Variants in AFG2A observed in about 807,000 individuals in gnomAD.
AFG2A encodes the protein ATPase family gene 2 protein homolog A.
At chr4:122,966,095 T>C in the AFG2A span, among the ~76,000 whole-genome samples, 6 of 152,168 alleles carry the variant, frequency 3.9e-5, no homozygotes, top group Non-Finnish European at 5.9e-5. Context: ...CTCTTGATAA[T>C]ATATTTAACA....
chr4:123,270,554 A>T, the AFG2A span, among the ~76,000 whole-genome samples: 1 of 152,174 alleles, frequency 6.6e-6, no homozygotes, highest in East Asian at 1.9e-4. Context: ...TTGCTTTCCC[A>T]TTTACTTATT....
At chr4:123,297,594 C>T in the AFG2A span, among the ~76,000 whole-genome samples, 12 of 152,026 alleles carry the variant, frequency 7.9e-5, no homozygotes, top group Non-Finnish European at 1.8e-4. Context: ...TGGCGGGCGC[C>T]TGTAGTCCCA....
the AFG2A span, chr4:123,090,662 T>A: frequency 6.2e-7 from 1 of 1,614,168 alleles, no homozygotes; most frequent in Non-Finnish European, 8.5e-7. Flanking sequence ...CTAAAGGATG[T>A]GACCATTTTG....
At chr4:122,923,372 A>G in the AFG2A span, 1 of 1,596,066 alleles carries the variant, frequency 6.3e-7, no homozygotes, top group Non-Finnish European at 8.5e-7. Context: ...AGACTCAGTG[A>G]TACTGACTTG....
chr4:123,275,788 C>G, the AFG2A span, among the ~76,000 whole-genome samples: 1 of 152,048 alleles, frequency 6.6e-6, no homozygotes, highest in South Asian at 2.1e-4. Flanking sequence ...GGATAATGGC[C>G]TCCAGCTTCA....
At chr4:123,309,312 A>T in the AFG2A span, among the ~76,000 whole-genome samples, 1 of 152,168 alleles carries the variant, frequency 6.6e-6, no homozygotes, top group Non-Finnish European at 1.5e-5. Context: ...GTGCCAACAG[A>T]TTTGGTGTCT....
At chr4:123,149,316 G>A in the AFG2A span, among the ~76,000 whole-genome samples, 2 of 152,090 alleles carry the variant, frequency 1.3e-5, no homozygotes, top group South Asian at 4.2e-4. Flanking sequence ...CCAATGGACT[G>A]GAAAGAAAAA....
the AFG2A span, among the ~76,000 whole-genome samples, chr4:123,184,928 A>G: frequency 6.6e-6 from 1 of 152,188 alleles, no homozygotes; most frequent in African/African-American, 2.4e-5. Context: ...TGATAAATCA[A>G]ATTTCCCAGA....
chr4:123,115,515 C>A, the AFG2A span, among the ~76,000 whole-genome samples: 24 of 152,184 alleles, frequency 1.6e-4, no homozygotes, highest in African/African-American at 5.3e-4. Flanking sequence ...TCCCTTCACT[C>A]TGTGCGCAAC....
At chr4:123,077,055 T>G in the AFG2A span, among the ~76,000 whole-genome samples, 11 of 149,132 alleles carry the variant, frequency 7.4e-5, no homozygotes, top group Admixed American at 7.3e-4. Flanking sequence ...TGTTTTTTTT[T>G]TTTTTTTTTT....
the AFG2A span, among the ~76,000 whole-genome samples, chr4:123,179,086 T>C: frequency 0.021 from 3,230 of 152,280 alleles, 65 homozygotes; most frequent in Non-Finnish European, 0.035. Flanking sequence ...CACTCTTGGG[T>C]CCAGGGTTAT....
chr4:123,207,595 G>A, the AFG2A span, among the ~76,000 whole-genome samples: 1 of 152,110 alleles, frequency 6.6e-6, no homozygotes, highest in Non-Finnish European at 1.5e-5. Context: ...GAAATTACAG[G>A]TGTGAGCCAC....
chr4:123,136,690 A>G, the AFG2A span, among the ~76,000 whole-genome samples: 5 of 150,784 alleles, frequency 3.3e-5, no homozygotes, highest in Non-Finnish European at 4.4e-5. Context: ...AAAAAAATAT[A>G]TATTAGCTGG....
At chr4:123,175,937 G>A in the AFG2A span, among the ~76,000 whole-genome samples, 76,905 of 152,090 alleles carry the variant, frequency 0.51, 23,650 homozygotes, top group Non-Finnish European at 0.67. Context: ...CAGAACTGGG[G>A]GTGTCTTAGC....
the AFG2A span, among the ~76,000 whole-genome samples, chr4:122,929,777 C>T: frequency 9.4e-4 from 142 of 151,858 alleles, 1 homozygote; most frequent in Non-Finnish European, 1.6e-3. Context: ...GTGTATGTTA[C>T]ACTTGTAGCA....
chr4:123,279,258 A>G, the AFG2A span, among the ~76,000 whole-genome samples: 1 of 152,092 alleles, frequency 6.6e-6, no homozygotes, highest in East Asian at 1.9e-4. Context: ...TCTACTAAAA[A>G]TACAAAAATG....
At chr4:123,003,893 T>G in the AFG2A span, among the ~76,000 whole-genome samples, 3 of 152,220 alleles carry the variant, frequency 2.0e-5, no homozygotes, top group Non-Finnish European at 4.4e-5. Flanking sequence ...TTTGTTTGTC[T>G]GTGCCCTGCC....
At chr4:123,217,022 T>TAA in the AFG2A span, among the ~76,000 whole-genome samples, 1 of 152,216 alleles carries the variant, frequency 6.6e-6, no homozygotes, top group Admixed American at 6.5e-5. Flanking sequence ...TTGTATATAA[T>TAA]AAATATGAAC....
the AFG2A span, chr4:122,934,588 A>C: frequency 6.2e-7 from 1 of 1,613,928 alleles, no homozygotes. Context: ...AACAAGAGTC[A>C]ATTTTACAGA....
Sources: allele counts gnomAD v4.1 joint callset (sites outside exome capture counted in the v4.1 genomes callset), GRCh38; gene constraint gnomAD v4.1.1; transcripts MANE v1.5; gene names NCBI Gene and HGNC (gene_info 2026-07-23, HGNC 2026-07-21).